The following RORA variants were observed in gnomAD, a reference collection of about 807,000 sequenced individuals.
The protein encoded by RORA is RAR related orphan receptor A, also known as nuclear receptor ROR-alpha.
Under a neutral mutation model 69.5 loss-of-function variants are expected in RORA, and 7 were observed. The observed-to-expected ratio is 0.10, with a 90% CI of 0.06 to 0.19. The LOEUF (loss-of-function observed/expected upper bound fraction) is 0.19, where lower values mean the gene tolerates loss of function less well. Ranked by LOEUF, RORA falls within the 10% of genes least tolerant of loss-of-function variation. RORA has a pLI of 1.00. For synonymous variants in RORA, 261 were observed against 240.8 expected, an observed-to-expected ratio of 1.08 and a Z score of -0.78; for missense variants, 457 against 663.0, an observed-to-expected ratio of 0.69 and a Z score of 3.41.
chr15:61,031,710 T>A (rs576553351), intron 1 of RORA, among the ~76,000 whole-genome samples: 2 of 152,284 alleles, frequency 1.3e-5, no homozygotes, highest in East Asian at 3.9e-4. Context: ...CCTATAAATG[T>A]GTATCCATGC....
At chr15:60,606,114 C>T (rs2068939986) in intron 2 of RORA, among the ~76,000 whole-genome samples, 1 of 152,196 alleles carries the variant, frequency 6.6e-6, no homozygotes, top group Non-Finnish European at 1.5e-5. Flanking sequence ...CACTTTAAAG[C>T]TTTCAGTTTT....
chr15:60,752,447 A>G (rs2071737710), intron 1 of RORA, among the ~76,000 whole-genome samples: 2 of 152,116 alleles, frequency 1.3e-5, no homozygotes, highest in South Asian at 4.1e-4. Flanking sequence ...TAAACAATCT[A>G]TTTTAGTGGC....
intron 1 of RORA, among the ~76,000 whole-genome samples, chr15:61,110,085 C>T (rs984675627): frequency 2.0e-5 from 3 of 152,190 alleles, no homozygotes; most frequent in African/African-American, 7.2e-5. Flanking sequence ...AAACCTACTG[C>T]ACTGCCAGTT....
intron 1 of RORA, among the ~76,000 whole-genome samples, chr15:60,739,930 C>A (rs2071552480): frequency 6.6e-6 from 1 of 152,110 alleles, no homozygotes; most frequent in Non-Finnish European, 1.5e-5. Flanking sequence ...CAGCTTGCCC[C>A]TGGGTCTTAA....
chr15:60,895,058 A>C (rs753220895), intron 1 of RORA, among the ~76,000 whole-genome samples: 4 of 152,208 alleles, frequency 2.6e-5, no homozygotes, highest in Non-Finnish European at 5.9e-5. Context: ...CCCCATGCTC[A>C]TTCCTCAAGC....
At chr15:60,591,815 A>G (rs2068523948) in intron 2 of RORA, among the ~76,000 whole-genome samples, 1 of 151,952 alleles carries the variant, frequency 6.6e-6, no homozygotes, top group Non-Finnish European at 1.5e-5. Flanking sequence ...CGCGGGACAC[A>G]GCGCGGACCT....
At chr15:61,085,423 T>C (rs531977584) in intron 1 of RORA, among the ~76,000 whole-genome samples, 3 of 152,346 alleles carry the variant, frequency 2.0e-5, no homozygotes, top group Admixed American at 2.0e-4. Flanking sequence ...TCTGGCTGGA[T>C]GATGAATCAA....
chr15:61,033,419 C>CAAAAACAAAA (rs369843399), intron 1 of RORA, among the ~76,000 whole-genome samples: 83 of 150,646 alleles, frequency 5.5e-4, no homozygotes, highest in African/African-American at 1.9e-3. Flanking sequence ...AAAAAAAAAA[C>CAAAAACAAAA]AAAAACCAGT....
intron 1 of RORA, among the ~76,000 whole-genome samples, chr15:61,199,021 T>C (rs1339569685): frequency 6.6e-6 from 1 of 152,186 alleles, no homozygotes; most frequent in Non-Finnish European, 1.5e-5. Context: ...CTAAATCTTA[T>C]TCATTCTTCC....
intron 1 of RORA, among the ~76,000 whole-genome samples, chr15:60,883,677 T>C (rs1272401927): frequency 6.6e-6 from 1 of 152,260 alleles, no homozygotes; most frequent in East Asian, 1.9e-4. Flanking sequence ...TTTATTTTTC[T>C]GTTAATATGT....
At chr15:60,965,055 C>T (rs547859756) in intron 1 of RORA, among the ~76,000 whole-genome samples, 9 of 152,078 alleles carry the variant, frequency 5.9e-5, no homozygotes, top group East Asian at 1.9e-4. Flanking sequence ...TGAGTGCCAA[C>T]GATGAACCAG....
At chr15:60,920,316 C>G (rs976393651) in intron 1 of RORA, among the ~76,000 whole-genome samples, 1 of 152,228 alleles carries the variant, frequency 6.6e-6, no homozygotes, top group Non-Finnish European at 1.5e-5. Flanking sequence ...CTAATCTCAT[C>G]ATCTTTGTCT....
chr15:60,587,953 A>G (rs1230410318), intron 2 of RORA, among the ~76,000 whole-genome samples: 4 of 152,210 alleles, frequency 2.6e-5, no homozygotes, highest in Non-Finnish European at 5.9e-5. Context: ...ATCATGTTCT[A>G]TCATGTCACA....
At chr15:61,067,899 C>G (rs1439539473) in intron 1 of RORA, among the ~76,000 whole-genome samples, 3 of 152,124 alleles carry the variant, frequency 2.0e-5, no homozygotes, top group African/African-American at 7.2e-5. Context: ...CAGATCCTTC[C>G]TTGGTTTTGT....
At chr15:60,845,268 G>A (rs951272157) in intron 1 of RORA, among the ~76,000 whole-genome samples, 2 of 152,328 alleles carry the variant, frequency 1.3e-5, no homozygotes, top group South Asian at 2.1e-4. Flanking sequence ...ATTTATCGGT[G>A]TGTGTCCCAG....
At chr15:61,186,617 G>A (rs1455803723) in intron 1 of RORA, among the ~76,000 whole-genome samples, 2 of 131,954 alleles carry the variant, frequency 1.5e-5, no homozygotes, top group African/African-American at 5.7e-5. Context: ...CTCCAGCCTG[G>A]GCAATGATGT....
At chr15:61,104,061 A>G (rs1195031183) in intron 1 of RORA, among the ~76,000 whole-genome samples, 2 of 152,204 alleles carry the variant, frequency 1.3e-5, no homozygotes, top group African/African-American at 2.4e-5. Context: ...ACAAGGCTGC[A>G]TTTGGGGAGG....
At chr15:60,916,973 G>A (rs547215471) in intron 1 of RORA, among the ~76,000 whole-genome samples, 2 of 152,280 alleles carry the variant, frequency 1.3e-5, no homozygotes, top group East Asian at 1.9e-4. Context: ...GTGTTGACAG[G>A]GAAATTCCCC....
intron 1 of RORA, among the ~76,000 whole-genome samples, chr15:61,030,987 A>C (rs1209015460): frequency 6.6e-6 from 1 of 152,220 alleles, no homozygotes; most frequent in Non-Finnish European, 1.5e-5. Flanking sequence ...ATTTTAATTA[A>C]AAAACCCAGG....
Sources: allele counts gnomAD v4.1 joint callset (sites outside exome capture counted in the v4.1 genomes callset), GRCh38; gene constraint gnomAD v4.1.1; transcripts MANE v1.5; gene names NCBI Gene and HGNC (gene_info 2026-07-23, HGNC 2026-07-21).